Variants in NPHP4 observed in about 807,000 individuals in gnomAD.
NPHP4 encodes nephrocystin 4.
In NPHP4, 151 loss-of-function variants were observed where a neutral mutation model predicts 155.8. That is an observed-to-expected ratio of 0.97 (90% CI 0.85 to 1.11). NPHP4 has a LOEUF of 1.11. Ranked by LOEUF, NPHP4 falls within the 50% of genes least tolerant of loss-of-function variation. NPHP4 has a pLI of 0.00. For synonymous variants in NPHP4, 845 were observed against 816.8 expected (o/e 1.03, Z -0.59); for missense variants, 1,956 against 1,925.7 (o/e 1.02, Z -0.29).
intron 3 of NPHP4, among the ~76,000 whole-genome samples, chr1:5,977,907 G>A (rs189035187): frequency 0.012 from 118 of 9,912 alleles, 2 homozygotes; most frequent in East Asian, 0.021. Context: ...GGGAAGGAGA[G>A]GGGAGGGGAG....
rs1642874252 is a variant in NPHP4, at chr1:5,878,674, G to C, written c.2612-1376C>G. ...CCTGTCCTGGTCCTGAGCAAAACAG[G>C]GTCTGGAGGATCACTGACCTCAGGG... On this transcript the variant is annotated intron_variant, in intron 19 of 29. Coordinates refer to ENST00000378156, the MANE Select transcript of NPHP4 (RefSeq NM_015102.5). 2.0e-5 allele frequency among the ~76,000 whole-genome samples: 3 copies of C among 152,196 alleles called. No homozygotes were observed. In the South Asian group the frequency reaches 6.2e-4, roughly 31 times the overall value.
intron 20 of NPHP4, among the ~76,000 whole-genome samples, chr1:5,875,392 C>T (rs1016949816): frequency 1.2e-4 from 19 of 152,330 alleles, no homozygotes; most frequent in Middle Eastern, 3.4e-3. Context: ...AGTCTGGCCC[C>T]CCGCACGGTG....
intron 2 of NPHP4, 34 bp downstream of exon 2, chr1:5,986,121 A>G (rs1290492035): frequency 2.5e-6 from 4 of 1,612,220 alleles, no homozygotes; most frequent in Non-Finnish European, 1.7e-6. Flanking sequence ...GCTAAGAGCA[A>G]TAACACGCAT....
chr1:5,987,876 AAAC>A (rs1336727117), intron 1 of NPHP4, among the ~76,000 whole-genome samples: 1 of 152,216 alleles, frequency 6.6e-6, no homozygotes, highest in Non-Finnish European at 1.5e-5. Context: ...ACTTCCGGGA[AAAC>A]AACTGCAACA....
chr1:5,891,010 A>G lies in NPHP4; in HGVS notation c.2162T>C (p.Leu721Pro). Residue 721 changes from leucine to proline, a missense_variant, in exon 17 of 30, where the codon CTG (leucine) becomes CCG (proline). Leu to Pro is a moderately conservative substitution (Grantham distance 98). Transcript: ENST00000378156. ...GAACCCAGGGCCCACCATGTACCTC[A>G]GCTGGAAGCCAGGAGACCCTGTCAA... ...TFDAGSPGFQ[L>P]RYMVGPGFLK... The G allele has an allele frequency of 6.4e-7, 1 of 1,559,036 alleles. No homozygotes were observed. The highest frequency in any genetic ancestry group is 8.8e-7 in the Non-Finnish European group (1 of 1,140,370).
chr1:5,871,863 C>T (rs555645171), intron 23 of NPHP4, among the ~76,000 whole-genome samples: 52 of 152,284 alleles, frequency 3.4e-4, no homozygotes, highest in African/African-American at 1.2e-3. Context: ...GGGGCAGCAA[C>T]AACAGCATGC....
Position 5,867,255 on chromosome 1 carries a change from G to A in NPHP4, c.3473-140C>T, listed in dbSNP as rs1008819974. The A allele has an allele frequency of 2.8e-5, 18 of 639,734 alleles. No individual in the cohort carries two copies. Among genetic ancestry groups the A allele is most frequent in the African/African-American group, 2.0e-4 (11 of 55,080 alleles). The allele number at this position is 639,734 out of a possible 1,614,324, so 39.6% of individuals were successfully genotyped here. ...GACACCTGCTGGGGAAACGGACGCC[G>A]CCACCTTTCCCAGGACAGCATCCAA... On this transcript the variant is annotated intron_variant, in intron 24 of 29. Coordinates refer to ENST00000378156, the MANE Select transcript of NPHP4 (RefSeq NM_015102.5). This position sits in a 1 kb window ranked among gnomAD's most constrained non-coding sequence, Gnocchi z 4.1.
chr1:5,863,333 G>C lies in NPHP4; in HGVS notation c.4213C>G (p.Leu1405Val), dbSNP rs1256388637. ...PSQRVGEEEI[L>V]IYINDHEDKN... ...TCCTCATGGTCATTGATGTAGATCAGGATCTCCTCCTCACCCACTCTCTGA... is the reference window on the plus strand; with the variant it reads ...TCCTCATGGTCATTGATGTAGATCACGATCTCCTCCTCACCCACTCTCTGA... The change falls in exon 30 of 30, where the codon CTG becomes GTG. Residue 1405 changes from leucine to valine, a missense_variant. By Grantham distance (32) the Leu-to-Val change is conservative (BLOSUM62 1). Transcript: ENST00000378156. 1 of 1,613,774 alleles carries C rather than the reference G, an allele frequency of 6.2e-7. No homozygotes were observed. Among genetic ancestry groups the C allele is most frequent in the East Asian group, 2.2e-5 (1 of 44,898 alleles).
rs1372633334 is a variant in NPHP4, at chr1:5,892,670, T to C, written c.2144-1642A>G. ...GGTCGAGCTGTGTTTGGGACGCGCG[T>C]ACTCTCCCCACTGCAGCCTCAGACC... On this transcript the variant is annotated intron_variant, in intron 16 of 29. Coordinates refer to ENST00000378156, the MANE Select transcript of NPHP4 (RefSeq NM_015102.5). The surrounding 1 kb of genome is among the most constrained non-coding windows in gnomAD (Gnocchi z 4.5). Among the ~76,000 whole-genome samples, 2 of 151,976 alleles carry C rather than the reference T, an allele frequency of 1.3e-5. No homozygotes were observed. The highest frequency in any genetic ancestry group is 4.8e-5 in the African/African-American group (2 of 41,356).
intron 16 of NPHP4, among the ~76,000 whole-genome samples, chr1:5,897,392 C>T (rs1403435812): frequency 1.3e-5 from 2 of 152,174 alleles, no homozygotes; most frequent in African/African-American, 4.8e-5. Context: ...AACCAAGCAA[C>T]CGAATCAGCG....
Position 5,877,164 on chromosome 1 carries a change from G to C in NPHP4, c.2746C>G (p.Leu916Val). ...AGGCGCACAGACCTCATCCGCTCCA[G>C]CTTACGCCTGCGGGTGGCATCCGAC... ...RESDATRRRK[L>V]ERMRSVRLQE... Residue 916 changes from leucine (L) to valine (V), a missense_variant, in exon 20 of 30, where the codon CTG becomes GTG. Coordinates refer to ENST00000378156, the MANE Select transcript of NPHP4 (RefSeq NM_015102.5). The C allele has an allele frequency of 6.2e-7, 1 of 1,606,106 alleles. No individual in the cohort carries two copies. Among genetic ancestry groups the C allele is most frequent in the Non-Finnish European group, 8.5e-7 (1 of 1,175,336 alleles).
rs899131824 is a variant in NPHP4 at position 5,961,795 on chromosome 1, G to A, written c.672C>T (p.Ser224=). The change falls in exon 6 of 30, where the codon TCC becomes TCT. Residue 224 remains serine, a splice_region_variant and synonymous_variant. Coordinates refer to ENST00000378156, the MANE Select transcript of NPHP4 (RefSeq NM_015102.5). ...GGAGAGAATCAAAGACGCCCTTACC[G>A]GATTCTCCATGAGCTGGAAGCAGGC... is the stretch of plus-strand genomic sequence containing the variant. ...IPGLLPAHGE[S]GDALRKPRLQ... 36 of 1,610,764 alleles carry A rather than the reference G, an allele frequency of 2.2e-5. No individual in the cohort carries two copies. Among genetic ancestry groups the A allele is most frequent in the South Asian group, 6.6e-5 (6 of 90,360 alleles).
At chr1:5,866,628 G>A (rs1476949712) in intron 25 of NPHP4, among the ~76,000 whole-genome samples, 170 bp from the exon 26 acceptor site, 1 of 152,218 alleles carries the variant, frequency 6.6e-6, no homozygotes, top group Non-Finnish European at 1.5e-5. Flanking sequence ...CTGCCAAAGA[G>A]AAGATCATTA....
intron 11 of NPHP4, among the ~76,000 whole-genome samples, chr1:5,927,100 G>A (rs1345683821): frequency 2.0e-5 from 3 of 152,262 alleles, no homozygotes; most frequent in Non-Finnish European, 4.4e-5. Context: ...CAGCTAGGCT[G>A]ACGGCCAATA....
rs544477660 is a variant in NPHP4 at position 5,961,466 on chromosome 1, T to C, written c.673+328A>G. The stretch of plus-strand genomic sequence containing the variant: ...CATCATGATCATCAGGTCACTGATA[T>C]GATGCCACATGGCTGAGATCCAGCC... On this transcript the variant is annotated intron_variant, in intron 6 of 29. Transcript: ENST00000378156. Among the ~76,000 whole-genome samples, 7 of 152,368 alleles carry C rather than the reference T, an allele frequency of 4.6e-5. No individual in the cohort carries two copies. In the South Asian group the frequency reaches 1.2e-3, roughly 27 times the overall value.
chr1:5,914,925 C>T (rs1334810821), intron 11 of NPHP4, among the ~76,000 whole-genome samples: 1 of 152,220 alleles, frequency 6.6e-6, no homozygotes. Flanking sequence ...GACCTCCCCC[C>T]CGCACCCTGA....
At chr1:5,982,179 AT>A (rs1265716850) in intron 2 of NPHP4, among the ~76,000 whole-genome samples, 3 of 151,470 alleles carry the variant, frequency 2.0e-5, no homozygotes, top group African/African-American at 7.3e-5. Flanking sequence ...GATTTTCTCT[AT>A]TATTTGTCCT....
Position 5,867,828 on chromosome 1 carries a change from G to A in NPHP4, c.3384C>T (p.His1128=), listed in dbSNP as rs202004472. Residue 1128 remains histidine, a synonymous_variant, in exon 24 of 30, where the codon CAC becomes CAT. Coordinates refer to ENST00000378156, the MANE Select transcript of NPHP4 (RefSeq NM_015102.5). The surrounding 1 kb of genome is among the most constrained non-coding windows in gnomAD (Gnocchi z 4.1). ...VLCLTVELQP[H]VVDQVFRFYH... is the part of the protein sequence containing the mutation. The stretch of plus-strand genomic sequence containing the variant: ...AGAAGCGGAAGACCTGGTCCACCAC[G>A]TGGGGCTGCAGCTCCACAGTCAGGC... 8.7e-6 allele frequency: 14 copies of A among 1,613,776 alleles called. No individual in the cohort carries two copies. Among genetic ancestry groups the A allele is most frequent in the African/African-American group, 8.0e-5 (6 of 75,048 alleles).
intron 3 of NPHP4, among the ~76,000 whole-genome samples, chr1:5,977,901 A>G (rs1444192857): frequency 7.3e-5 from 2 of 27,330 alleles, no homozygotes; most frequent in East Asian, 1.2e-3. Flanking sequence ...GGGAGGGGGA[A>G]GGAGAGGGGA....
Sources: gnomAD v4.1 joint callset for allele counts (sites outside exome capture counted in the v4.1 genomes callset) on GRCh38, gnomAD v4.1.1 for gene constraint, Gnocchi (gnomAD v3.1) non-coding constraint, MANE v1.5 for transcripts, NCBI Gene and HGNC (gene_info 2026-07-23, HGNC 2026-07-21) for gene names.